GCN1: variants seen among roughly 807,000 people sequenced by gnomAD.
GCN1 encodes the protein stalled ribosome sensor GCN1.
Under a neutral mutation model 288.4 loss-of-function variants are expected in GCN1, and 90 were observed. The observed-to-expected ratio is 0.31, with a 90% confidence interval of 0.26 to 0.37. GCN1 has a LOEUF of 0.37. Among genes scored for constraint, GCN1 ranks in the 10% least tolerant of loss-of-function variants. The pLI is 1.00. For missense variants in GCN1, 2,586 were observed against 3,419.9 expected (o/e 0.76, Z 6.08); for synonymous variants, 1,386 against 1,420.2 (o/e 0.98, Z 0.54).
At chr12:120,149,880 TAA>T in intron 35 of GCN1, 40 bp downstream of exon 35, 1 of 1,612,468 alleles carries the variant, frequency 6.2e-7, no homozygotes, top group Middle Eastern at 1.7e-4. Context: ...ACACATCTCA[TAA>T]AGTTTCCATG....
At position 120,142,468 on chromosome 12, in the gene GCN1, C is replaced by A. The variant is rs1877228195; in HGVS notation, c.5829+39G>T. On this transcript the variant is annotated intron_variant, in intron 44 of 57. Transcript: ENST00000300648. This position sits in a 1 kb window ranked among gnomAD's most constrained non-coding sequence, Gnocchi z 4.9. ...GCCTTCTAGGCTCTGAAAGGAGGCACTGGGGCTGCTGGTCCAAAACAAGGC... is the reference window on the plus strand; with the variant it reads ...GCCTTCTAGGCTCTGAAAGGAGGCAATGGGGCTGCTGGTCCAAAACAAGGC... The A allele has an allele frequency of 1.3e-6, 2 of 1,503,060 alleles. No individual in the cohort carries two copies. The highest frequency in any genetic ancestry group is 2.3e-5 in the South Asian group (2 of 88,670). 93.1% of individuals were successfully genotyped at this position (1,503,060 alleles called of 1,614,324 possible).
rs745403502 is a variant in GCN1 at position 120,131,338 on chromosome 12, G to A, written c.7415-5C>T. 2.5e-6 allele frequency: 4 copies of A among 1,613,704 alleles called. No individual in the cohort carries two copies. Among genetic ancestry groups the A allele is most frequent in the Non-Finnish European group, 3.4e-6 (4 of 1,179,970 alleles). On this transcript the variant is annotated splice_polypyrimidine_tract_variant and splice_region_variant and intron_variant, in intron 54 of 57. Coordinates refer to ENST00000300648, the MANE Select transcript of GCN1 (RefSeq NM_006836.2). ...AGTCAATGCCGGACACGTCCGCTGG[G>A]TGGAAGGACACGACTGGGATCAACC...
In GCN1 at chr12:120,136,616, G is replaced by A; in HGVS notation, c.6894C>T (p.Ala2298=). 2 of 1,614,172 alleles carry A rather than the reference G, an allele frequency of 1.2e-6. No individual in the cohort carries two copies. Among genetic ancestry groups the A allele is most frequent in the South Asian group, 1.1e-5 (1 of 91,084 alleles). ...GLVIRLTSAD[A]LRPSVVSITG... ...TGATGCTGACCACGGAGGGCCTCAG[G>A]GCGTCAGCCGAGGTCAGGCGGATTA... Residue 2298 remains alanine (A), a synonymous_variant, in exon 51 of 58, where the codon GCC becomes GCT. Coordinates refer to ENST00000300648, the MANE Select transcript of GCN1 (RefSeq NM_006836.2).
At chr12:120,151,654 C>T (rs531251748) in intron 33 of GCN1, among the ~76,000 whole-genome samples, 1 of 152,288 alleles carries the variant, frequency 6.6e-6, no homozygotes, top group Non-Finnish European at 1.5e-5. Flanking sequence ...AAAACCTAGG[C>T]CTGGGCAGTG....
intron 2 of GCN1, among the ~76,000 whole-genome samples, chr12:120,189,275 G>A (rs1878925879): frequency 6.6e-6 from 1 of 151,848 alleles, no homozygotes; most frequent in African/African-American, 2.4e-5. Context: ...GTTTCACCAT[G>A]TTGGTCAGGC....
chr12:120,184,662 C>A (rs1439568891), intron 3 of GCN1, among the ~76,000 whole-genome samples, 162 bp downstream of exon 3: 1 of 152,138 alleles, frequency 6.6e-6, no homozygotes, highest in Admixed American at 6.6e-5. Flanking sequence ...GAAACTGAGG[C>A]ACAGAGAGGT....
chr12:120,160,821 T>C (rs986081149), intron 22 of GCN1, among the ~76,000 whole-genome samples: 1 of 152,126 alleles, frequency 6.6e-6, no homozygotes, highest in African/African-American at 2.4e-5. Context: ...CAGGCGAAGA[T>C]AGATAATAAA....
chr12:120,186,553 A>G (rs950701828), intron 2 of GCN1, among the ~76,000 whole-genome samples: 4 of 152,168 alleles, frequency 2.6e-5, no homozygotes, highest in African/African-American at 9.7e-5. Flanking sequence ...GGCCCATACC[A>G]TTCCTCACAC....
Position 120,153,439 on chromosome 12 carries a change from C to G in GCN1, c.3868-32G>C. ...AGCCAAACCCCTCAGAGCCTCAGGT[C>G]AACCCTACAGGCTGCATCTGGGGAC... On this transcript the variant is annotated intron_variant, in intron 32 of 57. Coordinates refer to ENST00000300648, the MANE Select transcript of GCN1 (RefSeq NM_006836.2). The surrounding 1 kb of genome is among the most constrained non-coding windows in gnomAD (Gnocchi z 4.4). 1 of 1,592,812 alleles carries G rather than the reference C, an allele frequency of 6.3e-7. No homozygotes were observed. The highest frequency in any genetic ancestry group is 1.1e-5 in the South Asian group (1 of 89,878).
Position 120,158,318 on chromosome 12 carries a change from G to C in GCN1, c.2905+142C>G. On this transcript the variant is annotated intron_variant, in intron 25 of 57. Transcript: ENST00000300648. This position sits in a 1 kb window ranked among gnomAD's most constrained non-coding sequence, Gnocchi z 4.3. ...TCAACTGGGCTCACTGCAATTCACA[G>C]ACTACGAAGGTTCAATTCAGAAATC... is the stretch of plus-strand genomic sequence containing the variant. The C allele has an allele frequency of 2.7e-6, 2 of 740,332 alleles. No individual in the cohort carries two copies. The allele number at this position is 740,332 out of a possible 1,614,324, so 45.9% of individuals were successfully genotyped here.
chr12:120,154,077 G>C (rs1320438783), intron 31 of GCN1, among the ~76,000 whole-genome samples, 168 bp from the exon 32 acceptor site: 1 of 152,184 alleles, frequency 6.6e-6, no homozygotes, highest in Non-Finnish European at 1.5e-5. Context: ...CAATGTTCTG[G>C]AACAACCCAC....
intron 57 of GCN1, among the ~76,000 whole-genome samples, chr12:120,128,647 CT>C (rs1267774818): frequency 1.3e-5 from 2 of 151,644 alleles, no homozygotes; most frequent in East Asian, 3.9e-4. Context: ...AGCTTTTGGG[CT>C]TTCAAGGCTG....
chr12:120,186,767 T>C (rs1207787932), intron 2 of GCN1, among the ~76,000 whole-genome samples: 1 of 152,198 alleles, frequency 6.6e-6, no homozygotes, highest in Middle Eastern at 3.2e-3. Flanking sequence ...ACCCAGACAA[T>C]GCGTTACATT....
chr12:120,174,232 A>G, intron 12 of GCN1, 63 bp from the exon 13 acceptor site: 3 of 908,852 alleles, frequency 3.3e-6, no homozygotes, highest in African/African-American at 3.2e-5. Context: ...AAGTCTTCCC[A>G]CTGCTGCCAC....
At chr12:120,140,814 G>A (rs760975629) in intron 45 of GCN1, 45 bp downstream of exon 45, 3 of 1,579,560 alleles carry the variant, frequency 1.9e-6, no homozygotes, top group South Asian at 1.1e-5. Flanking sequence ...TCTGAGTCAG[G>A]TCGTCTGCAG....
intron 44 of GCN1, 32 bp from the exon 45 acceptor site, chr12:120,141,055 T>C (rs753532274): frequency 1.9e-6 from 3 of 1,591,800 alleles, no homozygotes; most frequent in East Asian, 2.2e-5. Flanking sequence ...GGAAGTAAAG[T>C]CCCTGCAAAG....
At position 120,134,826 on chromosome 12, in the gene GCN1, G is replaced by T; in HGVS notation, c.7009-100C>A. On this transcript the variant is annotated intron_variant, in intron 51 of 57. Coordinates refer to ENST00000300648, the MANE Select transcript of GCN1 (RefSeq NM_006836.2). This position sits in a 1 kb window ranked among gnomAD's most constrained non-coding sequence, Gnocchi z 5.0. ...CAAATGACAATCCCAAACCACCACA[G>T]CGAGTCCAGCTCTCATACAGGGCTG... The T allele has an allele frequency of 1.0e-6, 1 of 985,154 alleles. No homozygotes were observed. The allele number at this position is 985,154 out of a possible 1,614,324, so 61.0% of individuals were successfully genotyped here. A position where few individuals can be genotyped will look rare whatever the true frequency, so the allele number is the denominator to read the frequency against.
Position 120,153,603 on chromosome 12 carries a change from G to T in GCN1, c.3867+141C>A, listed in dbSNP as rs1332540179. The T allele has an allele frequency of 1.1e-6, 1 of 907,466 alleles. No homozygotes were observed. Among genetic ancestry groups the T allele is most frequent in the East Asian group, 2.5e-5 (1 of 39,802 alleles). 56.2% of individuals were successfully genotyped at this position (907,466 alleles called of 1,614,324 possible). A position where few individuals can be genotyped will look rare whatever the true frequency, so the allele number is the denominator to read the frequency against. The stretch of plus-strand genomic sequence containing the variant: ...TTTAACACACTATCATGGTCTTTTT[G>T]GCTCAAAGTGCTCTGCCAGGACTCT... On this transcript the variant is annotated intron_variant, in intron 32 of 57. Coordinates refer to ENST00000300648, the MANE Select transcript of GCN1 (RefSeq NM_006836.2). This position sits in a 1 kb window ranked among gnomAD's most constrained non-coding sequence, Gnocchi z 4.4.
At position 120,158,668 on chromosome 12, in the gene GCN1, C is replaced by T; in HGVS notation, c.2750-53G>A. The stretch of plus-strand genomic sequence containing the variant: ...GAGATGACACACAGAGATGTGGAAT[C>T]CAGCCCAGGCTAAAACAGGGGACCC... On this transcript the variant is annotated intron_variant, in intron 24 of 57. Transcript: ENST00000300648. The surrounding 1 kb of genome is among the most constrained non-coding windows in gnomAD (Gnocchi z 4.3). 2 of 1,481,880 alleles carry T rather than the reference C, an allele frequency of 1.3e-6. No individual in the cohort carries two copies. Among genetic ancestry groups the T allele is most frequent in the Non-Finnish European group, 1.8e-6 (2 of 1,092,080 alleles). The allele number at this position is 1,481,880 out of a possible 1,614,324, so 91.8% of individuals were successfully genotyped here.
Sources: gnomAD v4.1 joint callset for allele counts (sites outside exome capture counted in the v4.1 genomes callset) on GRCh38, gnomAD v4.1.1 for gene constraint, Gnocchi (gnomAD v3.1) non-coding constraint, MANE v1.5 for transcripts, NCBI Gene and HGNC (gene_info 2026-07-23, HGNC 2026-07-21) for gene names.